The following BCAS3 variants were observed in gnomAD, a reference collection of about 807,000 sequenced individuals.
BCAS3 encodes BCAS3 microtubule associated cell migration factor.
In BCAS3, 53 loss-of-function variants were observed where a neutral mutation model predicts 116.1. The ratio of observed to expected loss-of-function variants is 0.46; its 90% CI spans 0.37 to 0.57. BCAS3 has a LOEUF of 0.57. Ranked by LOEUF, BCAS3 falls within the 20% of genes least tolerant of loss-of-function variation. The pLI is 0.00. For synonymous variants in BCAS3, 391 were observed against 408.2 expected (o/e 0.96, Z 0.51); for missense variants, 917 against 1,165.4 (o/e 0.79, Z 3.10).
At chr17:61,209,724 G>A (rs927112525) in intron 22 of BCAS3, among the ~76,000 whole-genome samples, 1 of 152,156 alleles carries the variant, frequency 6.6e-6, no homozygotes, top group Admixed American at 6.5e-5. Flanking sequence ...GTGCGGTGCT[G>A]TAAAATTTGG....
rs2064502804 is a variant in BCAS3 at position 61,004,437 on chromosome 17, A to G, written c.1487-11314A>G. The stretch of plus-strand genomic sequence containing the variant: ...AGTGAGTAGGCTTCTTAGGATTTGT[A>G]GTAGCCAGAGTTTGAATGATTGACC... On this transcript the variant is annotated intron_variant, in intron 15 of 23. Coordinates refer to ENST00000407086, the MANE Select transcript of BCAS3 (RefSeq NM_017679.5). The surrounding 1 kb of genome is among the most constrained non-coding windows in gnomAD (Gnocchi z 4.8). 1.3e-5 allele frequency among the ~76,000 whole-genome samples: 2 copies of G among 151,978 alleles called. No homozygotes were observed. The highest frequency in any genetic ancestry group is 1.5e-5 in the Non-Finnish European group (1 of 67,974).
At chr17:61,271,543 C>T (rs186872797) in intron 22 of BCAS3, among the ~76,000 whole-genome samples, 38 of 149,852 alleles carry the variant, frequency 2.5e-4, no homozygotes, top group African/African-American at 8.1e-4. Context: ...CCTGCCTCAG[C>T]CTCCTGGGTA....
In BCAS3 at chr17:61,219,452, G is replaced by A. The variant is rs184294143; in HGVS notation, c.2425+134888G>A. On this transcript the variant is annotated intron_variant, in intron 22 of 23. Coordinates refer to ENST00000407086, the MANE Select transcript of BCAS3 (RefSeq NM_017679.5). The surrounding 1 kb of genome is among the most constrained non-coding windows in gnomAD (Gnocchi z 5.2). ...TGGTCTCTGTGTGCCCATATTACTG[G>A]TGCTGCCAGCTCAGGGAGTTTATGA... Among the ~76,000 whole-genome samples, 60 of 152,238 alleles carry A rather than the reference G, an allele frequency of 3.9e-4. No homozygotes were observed. The highest frequency in any genetic ancestry group is 1.3e-3 in the African/African-American group (54 of 41,538).
At chr17:61,328,895 T>A (rs1292848890) in intron 22 of BCAS3, among the ~76,000 whole-genome samples, 1 of 146,698 alleles carries the variant, frequency 6.8e-6, no homozygotes, top group African/African-American at 2.5e-5. Flanking sequence ...AGGCTCTTTT[T>A]TTTTTTTTTT....
At chr17:61,386,382 G>C (rs1454889149) in intron 23 of BCAS3, among the ~76,000 whole-genome samples, 2 of 152,230 alleles carry the variant, frequency 1.3e-5, no homozygotes, top group East Asian at 1.9e-4. Flanking sequence ...AGGCAGAGCT[G>C]TGGGTGCAGG....
At chr17:60,811,766 G>A (rs1203471737) in intron 7 of BCAS3, among the ~76,000 whole-genome samples, 6 of 152,180 alleles carry the variant, frequency 3.9e-5, no homozygotes, top group Admixed American at 3.9e-4. Flanking sequence ...AGTGAAATAG[G>A]CCTGGATGCA....
At chr17:60,859,088 G>A (rs76434715) in intron 7 of BCAS3, among the ~76,000 whole-genome samples, 4,613 of 151,926 alleles carry the variant, frequency 0.03, 178 homozygotes, top group East Asian at 0.092. Context: ...TAATTTTAAT[G>A]CTGACATTAA....
chr17:60,968,999 G>T (rs111286681), intron 14 of BCAS3, among the ~76,000 whole-genome samples: 2 of 150,986 alleles, frequency 1.3e-5, no homozygotes, highest in Non-Finnish European at 2.9e-5. Context: ...CATGAGTTGG[G>T]GGGGGAGATT....
rs1486694733 is a variant in BCAS3, at chr17:61,325,943, T to C, written c.2426-42384T>C. On this transcript the variant is annotated intron_variant, in intron 22 of 23. Transcript: ENST00000407086. This position sits in a 1 kb window ranked among gnomAD's most constrained non-coding sequence, Gnocchi z 6.4. ...GGCTAATATATACTGCAGGGAAGCC[T>C]CGGCAGAGAACAGAGTGAAAAATCG... is the stretch of plus-strand genomic sequence containing the variant. Among the ~76,000 whole-genome samples the C allele has an allele frequency of 6.6e-6, 1 of 152,184 alleles. No homozygotes were observed. Among genetic ancestry groups the C allele is most frequent in the Non-Finnish European group, 1.5e-5 (1 of 68,044 alleles).
rs2058079324 is a variant in BCAS3 at position 61,355,239 on chromosome 17, G to A, written c.2426-13088G>A. On this transcript the variant is annotated intron_variant, in intron 22 of 23. Coordinates refer to ENST00000407086, the MANE Select transcript of BCAS3 (RefSeq NM_017679.5). The surrounding 1 kb of genome is among the most constrained non-coding windows in gnomAD (Gnocchi z 4.2). ...TCTGAAATCCAGTCATGATAAATCT[G>A]GTTTTTGAAACATCTTCTTTGACTA... 1 of 152,190 alleles carries A rather than the reference G, an allele frequency of 6.6e-6. No homozygotes were observed. The highest frequency in any genetic ancestry group is 2.4e-5 in the African/African-American group (1 of 41,434). 9.4% of individuals were successfully genotyped at this position (152,190 alleles called of 1,614,324 possible). A position where few individuals can be genotyped will look rare whatever the true frequency, so the allele number is the denominator to read the frequency against.
At chr17:60,784,110 T>C (rs1055527641) in intron 6 of BCAS3, among the ~76,000 whole-genome samples, 1 of 152,078 alleles carries the variant, frequency 6.6e-6, no homozygotes, top group Non-Finnish European at 1.5e-5. Context: ...TCCAAGCATG[T>C]ACTGTATCTA....
rs138353532 is a variant in BCAS3, at chr17:60,995,175, C to T, written c.1486+4940C>T. Among the ~76,000 whole-genome samples, 6,236 of 151,976 alleles carry T rather than the reference C, an allele frequency of 0.041. 460 individuals carry two copies. Among genetic ancestry groups the T allele is most frequent in the African/African-American group, 0.14 (5,824 of 41,422 alleles). ...TTCTATTCTTTTCTTTTCTTTTAGA[C>T]GGAGTCTTGCTCTGTCTCCCAGGCT... On this transcript the variant is annotated intron_variant, in intron 15 of 23. Coordinates refer to ENST00000407086, the MANE Select transcript of BCAS3 (RefSeq NM_017679.5). This position sits in a 1 kb window ranked among gnomAD's most constrained non-coding sequence, Gnocchi z 4.7.
intron 22 of BCAS3, among the ~76,000 whole-genome samples, chr17:61,274,116 C>T (rs972963025): frequency 9.3e-5 from 14 of 151,072 alleles, no homozygotes; most frequent in Non-Finnish European, 1.8e-4. Flanking sequence ...CCACTCCCCC[C>T]ACCCCACAAC....
At chr17:61,069,205 G>A (rs1302995152) in intron 19 of BCAS3, among the ~76,000 whole-genome samples, 2 of 152,106 alleles carry the variant, frequency 1.3e-5, no homozygotes, top group Non-Finnish European at 2.9e-5. Flanking sequence ...ATAAATGGAA[G>A]TCAAAGATTG....
chr17:61,218,667 G>A (rs2081941457), intron 22 of BCAS3, among the ~76,000 whole-genome samples: 1 of 152,270 alleles, frequency 6.6e-6, no homozygotes. Context: ...CCATCCTGCT[G>A]TTTAGTTTTG....
At chr17:61,270,573 C>T (rs1443960397) in intron 22 of BCAS3, among the ~76,000 whole-genome samples, 2 of 152,080 alleles carry the variant, frequency 1.3e-5, no homozygotes, top group Admixed American at 6.5e-5. Context: ...GTCTCCTTTG[C>T]GACACAGTTT....
intron 11 of BCAS3, among the ~76,000 whole-genome samples, chr17:60,903,465 A>G (rs1297514941): frequency 6.6e-6 from 1 of 152,226 alleles, no homozygotes; most frequent in African/African-American, 2.4e-5. Context: ...TTAGGTCTTT[A>G]TGCCTATAGC....
intron 22 of BCAS3, among the ~76,000 whole-genome samples, chr17:61,277,254 C>A (rs2050836921): frequency 3.9e-5 from 5 of 126,646 alleles, no homozygotes; most frequent in South Asian, 2.8e-4. Context: ...CAGAGCAAGA[C>A]CCTGTATCAA....
At chr17:61,045,532 A>G (rs952548569) in intron 19 of BCAS3, among the ~76,000 whole-genome samples, 1 of 147,484 alleles carries the variant, frequency 6.8e-6, no homozygotes, top group Non-Finnish European at 1.5e-5. Flanking sequence ...AAAAAAAAAA[A>G]GGCTAGGCGC....
Sources: allele counts gnomAD v4.1 joint callset (sites outside exome capture counted in the v4.1 genomes callset), GRCh38; gene constraint gnomAD v4.1.1; non-coding constraint Gnocchi (gnomAD v3.1); transcripts MANE v1.5; gene names NCBI Gene and HGNC (gene_info 2026-07-23, HGNC 2026-07-21).